Variants in GPC5 observed in about 807,000 individuals in gnomAD.
GPC5 encodes the protein glypican 5, also known as glypican-5.
A neutral mutation model predicts 53.9 loss-of-function variants in GPC5; 47 were observed. The ratio of observed to expected loss-of-function variants is 0.87; its 90% CI spans 0.69 to 1.11. GPC5 has a LOEUF of 1.11. GPC5 is among the 50% of genes most tolerant of loss of function. The probability of loss-of-function intolerance (pLI) is 0.00; values close to 1 mark genes in which losing one functional copy is unlikely to be tolerated. For synonymous variants in GPC5, 286 were observed against 263.3 expected, an observed-to-expected ratio of 1.09 and a Z score of -0.84; for missense variants, 748 against 713.1, an observed-to-expected ratio of 1.05 and a Z score of -0.56.
intron 7 of GPC5, among the ~76,000 whole-genome samples, chr13:92,564,713 C>T (rs1345787403): frequency 6.6e-6 from 1 of 151,934 alleles, no homozygotes; most frequent in African/African-American, 2.4e-5. Flanking sequence ...GTCTATTGTT[C>T]CCATCTTTAT....
chr13:91,502,416 C>G (rs902542572), intron 2 of GPC5, among the ~76,000 whole-genome samples: 1 of 152,070 alleles, frequency 6.6e-6, no homozygotes, highest in African/African-American at 2.4e-5. Context: ...GTTGTTTGCT[C>G]ACTCCCTTTG....
chr13:91,681,803 AT>A (rs1244524379), intron 2 of GPC5, among the ~76,000 whole-genome samples: 1 of 152,060 alleles, frequency 6.6e-6, no homozygotes, highest in Non-Finnish European at 1.5e-5. Flanking sequence ...CTTTCTCTTT[AT>A]TTTTGCCATA....
chr13:91,721,669 A>AT (rs1413504198), intron 3 of GPC5, among the ~76,000 whole-genome samples: 6 of 152,146 alleles, frequency 3.9e-5, no homozygotes, highest in African/African-American at 1.4e-4. Flanking sequence ...ACTATGTGGC[A>AT]TTTTTCAGTT....
chr13:91,589,595 C>T (rs2032722881), intron 2 of GPC5, among the ~76,000 whole-genome samples: 1 of 152,092 alleles, frequency 6.6e-6, no homozygotes, highest in Admixed American at 6.6e-5. Context: ...ACTAAGAATT[C>T]CTTTATCATT....
intron 7 of GPC5, among the ~76,000 whole-genome samples, chr13:92,613,376 T>TTGA (rs1263765213): frequency 1.4e-5 from 1 of 72,594 alleles, no homozygotes; most frequent in Non-Finnish European, 2.4e-5. Flanking sequence ...TATATATAAA[T>TTGA]ATATTATATT....
At chr13:91,685,701 C>A (rs1182017462) in intron 2 of GPC5, among the ~76,000 whole-genome samples, 1 of 151,858 alleles carries the variant, frequency 6.6e-6, no homozygotes, top group African/African-American at 2.4e-5. Flanking sequence ...AACAGGTGCT[C>A]AAAATATATT....
At chr13:91,559,758 G>T (rs1744575859) in intron 2 of GPC5, among the ~76,000 whole-genome samples, 1 of 151,984 alleles carries the variant, frequency 6.6e-6, no homozygotes, top group Non-Finnish European at 1.5e-5. Flanking sequence ...AGGAGCAGGG[G>T]CTTTGAAAAT....
chr13:92,846,742 A>G (rs1002174539), intron 7 of GPC5, among the ~76,000 whole-genome samples: 6 of 152,256 alleles, frequency 3.9e-5, no homozygotes, highest in African/African-American at 9.6e-5. Flanking sequence ...CAATATTTAG[A>G]TAACTTCTAA....
At chr13:92,655,630 C>T (rs987616546) in intron 7 of GPC5, among the ~76,000 whole-genome samples, 1 of 152,094 alleles carries the variant, frequency 6.6e-6, no homozygotes, top group African/African-American at 2.4e-5. Context: ...CGTGAGCCAC[C>T]GCACCTGTTC....
intron 6 of GPC5, among the ~76,000 whole-genome samples, chr13:92,068,643 A>C (rs2041185725): frequency 6.6e-6 from 1 of 151,470 alleles, no homozygotes; most frequent in South Asian, 2.1e-4. Flanking sequence ...TAAATATTCC[A>C]TTCTATTCCT....
chr13:92,861,182 C>A (rs1297477210), intron 7 of GPC5, among the ~76,000 whole-genome samples: 1 of 152,010 alleles, frequency 6.6e-6, no homozygotes, highest in Non-Finnish European at 1.5e-5. Context: ...TTTCTTAACC[C>A]AATTCCCTAC....
chr13:91,508,250 G>A (rs1885051042), intron 2 of GPC5, among the ~76,000 whole-genome samples: 1 of 152,166 alleles, frequency 6.6e-6, no homozygotes, highest in African/African-American at 2.4e-5. Context: ...TGTGAGAGAT[G>A]CTAATATAAA....
rs144289455 is a variant in GPC5, at chr13:92,707,420, A to T, written c.1562-158862A>T. Among the ~76,000 whole-genome samples the T allele has an allele frequency of 3.7e-3, 559 of 152,162 alleles. 13 individuals carry two copies. The highest frequency in any genetic ancestry group is 7.6e-3 in the Admixed American group (116 of 15,264). On this transcript the variant is annotated intron_variant, in intron 7 of 7. Coordinates refer to ENST00000377067, the MANE Select transcript of GPC5 (RefSeq NM_004466.6). ...TTTTGAGCCTATACTTATTAGTCAGAATCTATTTCCTCTGCTTGTTGTTTT... is the reference window on the plus strand; with the variant it reads ...TTTTGAGCCTATACTTATTAGTCAGTATCTATTTCCTCTGCTTGTTGTTTT...
chr13:91,775,799 C>G (rs141557447), intron 5 of GPC5, among the ~76,000 whole-genome samples: 3 of 152,228 alleles, frequency 2.0e-5, no homozygotes, highest in African/African-American at 7.2e-5. Flanking sequence ...CTAGATTACT[C>G]CATGAGTGAG....
chr13:92,679,181 A>C (rs574024407), intron 7 of GPC5, among the ~76,000 whole-genome samples: 1 of 152,274 alleles, frequency 6.6e-6, no homozygotes, highest in Non-Finnish European at 1.5e-5. Flanking sequence ...ATTTTAGTTT[A>C]GTGTATTTCC....
intron 7 of GPC5, among the ~76,000 whole-genome samples, chr13:92,283,531 T>C (rs1033217525): frequency 2.0e-5 from 3 of 152,280 alleles, no homozygotes; most frequent in Admixed American, 6.5e-5. Flanking sequence ...ACAGAAATTA[T>C]AACAAACTGT....
chr13:91,974,271 C>A (rs1230425536), intron 6 of GPC5, among the ~76,000 whole-genome samples: 1 of 152,000 alleles, frequency 6.6e-6, no homozygotes, highest in East Asian at 1.9e-4. Context: ...CTGGCCAGGG[C>A]AATTAGGCAG....
chr13:92,561,241 C>A (rs1882685585), intron 7 of GPC5, among the ~76,000 whole-genome samples: 1 of 151,912 alleles, frequency 6.6e-6, no homozygotes, highest in Admixed American at 6.6e-5. Context: ...TACATACGAT[C>A]ATTATATTCC....
chr13:91,596,584 G>A (rs372884558), intron 2 of GPC5, among the ~76,000 whole-genome samples: 7 of 152,162 alleles, frequency 4.6e-5, no homozygotes, highest in East Asian at 3.9e-4. Flanking sequence ...AGGGTGCTGG[G>A]TTATTTTATA....
Sources: gnomAD v4.1 joint callset for allele counts (sites outside exome capture counted in the v4.1 genomes callset) on GRCh38, gnomAD v4.1.1 for gene constraint, MANE v1.5 for transcripts, NCBI Gene and HGNC (gene_info 2026-07-23, HGNC 2026-07-21) for gene names.